The following RBFOX1 variants were observed in gnomAD, a reference collection of about 807,000 sequenced individuals.
RBFOX1 encodes RNA binding fox-1 homolog 1.
RBFOX1 carries 8 observed loss-of-function variants against 57.7 expected under a neutral mutation model. The observed-to-expected ratio is 0.14, with a 90% CI of 0.08 to 0.25. The LOEUF is 0.25. Among genes scored for constraint, RBFOX1 ranks in the 10% least tolerant of loss-of-function variants. RBFOX1 has a pLI of 1.00. For missense variants in RBFOX1, 611 were observed against 548.5 expected (o/e 1.11, Z -1.14); for synonymous variants, 326 against 222.4 (o/e 1.47, Z -4.15).
intron 4 of RBFOX1, among the ~76,000 whole-genome samples, chr16:7,180,361 C>T (rs1373894225): frequency 6.6e-6 from 1 of 152,096 alleles, no homozygotes; most frequent in Non-Finnish European, 1.5e-5. Context: ...AGATACCACA[C>T]ACAAGAAAGG....
chr16:7,678,110 C>G (rs1368902913), intron 14 of RBFOX1, among the ~76,000 whole-genome samples: 1 of 152,206 alleles, frequency 6.6e-6, no homozygotes, highest in Non-Finnish European at 1.5e-5. Flanking sequence ...GATCTGCTAT[C>G]TGGTTCTATG....
At chr16:7,130,909 C>T (rs551861208) in intron 4 of RBFOX1, among the ~76,000 whole-genome samples, 42 of 152,306 alleles carry the variant, frequency 2.8e-4, no homozygotes, top group African/African-American at 9.4e-4. Flanking sequence ...ACAGCAATGA[C>T]TGCCTTCAGT....
chr16:6,759,874 C>G (rs2076358889), intron 3 of RBFOX1, among the ~76,000 whole-genome samples: 1 of 152,138 alleles, frequency 6.6e-6, no homozygotes, highest in South Asian at 2.1e-4. Context: ...TAACAGCGAA[C>G]TGATGAAATC....
intron 3 of RBFOX1, among the ~76,000 whole-genome samples, chr16:5,857,734 C>A (rs749794813): frequency 6.6e-6 from 1 of 151,154 alleles, no homozygotes; most frequent in Non-Finnish European, 1.5e-5. Context: ...CCAGCCTGGG[C>A]AATATAGAGA....
At chr16:6,215,077 G>T (rs2097326664) in intron 1 of RBFOX1, among the ~76,000 whole-genome samples, 1 of 126,920 alleles carries the variant, frequency 7.9e-6, no homozygotes, top group Non-Finnish European at 1.7e-5. Context: ...CGGGGAGATG[G>T]GGAGAGAGAA....
intron 2 of RBFOX1, among the ~76,000 whole-genome samples, chr16:6,432,129 T>A (rs993706597): frequency 6.6e-6 from 1 of 151,884 alleles, no homozygotes; most frequent in African/African-American, 2.4e-5. Context: ...GCCTTACCTA[T>A]TTTTGCTTTT....
chr16:6,842,075 G>A (rs916674499), intron 3 of RBFOX1, among the ~76,000 whole-genome samples: 9 of 151,698 alleles, frequency 5.9e-5, no homozygotes, highest in East Asian at 1.9e-4. Flanking sequence ...CCCGGGAGGC[G>A]GAACTTGCAG....
At chr16:5,449,229 C>T (rs948076711) in intron 1 of RBFOX1, among the ~76,000 whole-genome samples, 2 of 152,112 alleles carry the variant, frequency 1.3e-5, no homozygotes, top group African/African-American at 4.8e-5. Context: ...CTTAGTTGCT[C>T]TGTAATTGGC....
chr16:6,652,847 C>T (rs1489759621), intron 2 of RBFOX1, among the ~76,000 whole-genome samples: 1 of 152,108 alleles, frequency 6.6e-6, no homozygotes, highest in Non-Finnish European at 1.5e-5. Flanking sequence ...GGTTGCACAA[C>T]AGTTTGTATG....
chr16:6,946,390 A>G (rs1364750037), intron 3 of RBFOX1, among the ~76,000 whole-genome samples: 1 of 152,222 alleles, frequency 6.6e-6, no homozygotes, highest in African/African-American at 2.4e-5. Context: ...TATCTGTGCC[A>G]TAAAGCAAGC....
intron 10 of RBFOX1, among the ~76,000 whole-genome samples, chr16:7,626,511 C>G (rs979116222): frequency 1.3e-5 from 2 of 152,090 alleles, no homozygotes; most frequent in African/African-American, 4.8e-5. Flanking sequence ...GGAACGGGCT[C>G]TGATTATTCT....
intron 1 of RBFOX1, among the ~76,000 whole-genome samples, chr16:6,306,467 G>A (rs2079530509): frequency 6.6e-6 from 1 of 152,192 alleles, no homozygotes. Flanking sequence ...TACGTCAGAG[G>A]CATTTTTATG....
chr16:6,711,855 T>C (rs1002913829), intron 3 of RBFOX1, among the ~76,000 whole-genome samples: 15 of 152,178 alleles, frequency 9.9e-5, no homozygotes, highest in African/African-American at 3.6e-4. Flanking sequence ...CTAGGTCTTA[T>C]TCCTACCCAA....
chr16:6,031,026 A>G (rs1241766800), intron 1 of RBFOX1, among the ~76,000 whole-genome samples: 2 of 152,202 alleles, frequency 1.3e-5, no homozygotes, highest in Non-Finnish European at 2.9e-5. Flanking sequence ...TAAAAAGACA[A>G]TAGAATTACC....
intron 1 of RBFOX1, among the ~76,000 whole-genome samples, chr16:6,121,031 T>C (rs1315937762): frequency 6.6e-6 from 1 of 152,258 alleles, no homozygotes; most frequent in African/African-American, 2.4e-5. Context: ...TTTTACATTC[T>C]ACTTTATGAT....
chr16:5,768,466 G>A (rs188368186), intron 3 of RBFOX1, among the ~76,000 whole-genome samples: 1 of 152,304 alleles, frequency 6.6e-6, no homozygotes, highest in East Asian at 1.9e-4. Flanking sequence ...ACGTGGCCCT[G>A]TCAGGAAGGG....
chr16:6,217,202 G>A lies in RBFOX1; in HGVS notation c.-126-99793G>A, dbSNP rs537250520. Among the ~76,000 whole-genome samples, 38 of 85,452 alleles carry A rather than the reference G, an allele frequency of 4.4e-4. No homozygotes were observed. The East Asian group carries it at 0.011, about 24-fold the overall frequency. 56.1% of individuals were successfully genotyped at this position (85,452 alleles called of 152,430 possible). A position where few individuals can be genotyped will look rare whatever the true frequency, so the allele number is the denominator to read the frequency against. On this transcript the variant is annotated intron_variant, in intron 1 of 15. Coordinates refer to ENST00000550418, the MANE Select transcript of RBFOX1 (RefSeq NM_018723.4). The stretch of plus-strand genomic sequence containing the variant: ...TTTTTTTTTTTTTTTTGTAGAATTC[G>A]TCTGAATCTAGAAGCAAATGTTATT...
intron 1 of RBFOX1, among the ~76,000 whole-genome samples, chr16:6,053,366 C>A (rs923803689): frequency 2.0e-5 from 3 of 152,080 alleles, no homozygotes; most frequent in African/African-American, 7.2e-5. Context: ...GAGTGTCTGG[C>A]CCTGAAGAAT....
chr16:5,757,877 G>A (rs10500328), intron 3 of RBFOX1, among the ~76,000 whole-genome samples: 21,620 of 152,160 alleles, frequency 0.14, 2,125 homozygotes, highest in East Asian at 0.4. Context: ...TGGGTCTCAA[G>A]CAATGAGAAG....
Sources: allele counts gnomAD v4.1 joint callset (sites outside exome capture counted in the v4.1 genomes callset), GRCh38; gene constraint gnomAD v4.1.1; transcripts MANE v1.5; gene names NCBI Gene and HGNC (gene_info 2026-07-23, HGNC 2026-07-21).